Variants in REEP5 observed in about 807,000 individuals in gnomAD.
REEP5 encodes receptor accessory protein 5, also known as receptor expression-enhancing protein 5.
REEP5 carries 24 observed loss-of-function variants against 22.4 expected under a neutral mutation model. The ratio of observed to expected loss-of-function variants is 1.07; its 90% CI spans 0.78 to 1.51. REEP5 has a LOEUF of 1.51. Ranked by LOEUF, REEP5 falls within the 40% of genes most tolerant of loss-of-function variation. The pLI, the probability that REEP5 is intolerant of heterozygous loss-of-function variation, is 0.00. For synonymous variants in REEP5, 103 were observed against 88.6 expected (o/e 1.16, Z -0.92); for missense variants, 252 against 233.0 (o/e 1.08, Z -0.53).
At chr5:112,916,546 A>G (rs1381460077) in intron 2 of REEP5, among the ~76,000 whole-genome samples, 2 of 152,256 alleles carry the variant, frequency 1.3e-5, no homozygotes, top group Non-Finnish European at 2.9e-5. Context: ...GTGTGCAGAT[A>G]TATGATTTGG....
At chr5:112,909,243 T>C (rs1182706816) in intron 2 of REEP5, among the ~76,000 whole-genome samples, 1 of 147,886 alleles carries the variant, frequency 6.8e-6, no homozygotes, top group Non-Finnish European at 1.5e-5. Flanking sequence ...CTATCTAGTA[T>C]GGATAAGCCT....
At chr5:112,918,084 G>T (rs1169752451) in intron 2 of REEP5, among the ~76,000 whole-genome samples, 2 of 152,132 alleles carry the variant, frequency 1.3e-5, no homozygotes, top group Non-Finnish European at 2.9e-5. Context: ...AGGGAAGTAA[G>T]GAGATTAAGG....
intron 1 of REEP5, 159 bp from the exon 2 acceptor site, chr5:112,921,415 C>A (rs904452348): frequency 3.2e-5 from 22 of 698,390 alleles, no homozygotes; most frequent in East Asian, 8.1e-5. Context: ...TGGGCCTGCG[C>A]GTCCGCTGGG....
chr5:112,887,156 G>T lies in REEP5; in HGVS notation c.379C>A (p.Pro127Thr). 3 of 1,607,984 alleles carry T rather than the reference G, an allele frequency of 1.9e-6. No homozygotes were observed. Among genetic ancestry groups the T allele is most frequent in the Non-Finnish European group, 2.6e-6 (3 of 1,176,406 alleles). Residue 127 changes from proline to threonine, a missense_variant, in exon 4 of 5, where the codon CCG becomes ACG. Physicochemically the swap from Pro to Thr is conservative, Grantham distance 38. Coordinates refer to ENST00000379638, the MANE Select transcript of REEP5 (RefSeq NM_005669.5). ...KCGFLLWCMA[P>T]SPSNGAELLY... ...AGTTCAGCCCCATTAGAAGGGCTCG[G>T]GGCCATGCACCACAACAGGAAGCCA...
intron 2 of REEP5, among the ~76,000 whole-genome samples, chr5:112,919,007 G>A (rs1769290032): frequency 6.6e-6 from 1 of 152,156 alleles, no homozygotes; most frequent in Admixed American, 6.5e-5. Context: ...CTTATTTCTT[G>A]CCATATCTAA....
Position 112,882,624 on chromosome 5 carries a change from A to G in REEP5, c.521-3789T>C, listed in dbSNP as rs535515623. ...TGCCTGACAGTCCATTTACTCTCCA[A>G]CTGTCCTAGAGGGGCCAGCACACTG... On this transcript the variant is annotated intron_variant, in intron 4 of 4. Coordinates refer to ENST00000379638, the MANE Select transcript of REEP5 (RefSeq NM_005669.5). Among the ~76,000 whole-genome samples the G allele has an allele frequency of 6.6e-5, 10 of 152,226 alleles. No individual in the cohort carries two copies. The South Asian group carries it at 1.0e-3, about 16-fold the overall frequency.
chr5:112,904,470 T>TA (rs767890155), intron 2 of REEP5, among the ~76,000 whole-genome samples: 1 of 152,230 alleles, frequency 6.6e-6, no homozygotes, highest in Non-Finnish European at 1.5e-5. Flanking sequence ...CTCAAGGTCT[T>TA]AGTTTTGTGA....
chr5:112,888,807 G>A (rs1480351529), intron 3 of REEP5, among the ~76,000 whole-genome samples: 1 of 150,756 alleles, frequency 6.6e-6, no homozygotes, highest in African/African-American at 2.5e-5. Flanking sequence ...GATTGCTTGG[G>A]CCCAGGAGTT....
intron 4 of REEP5, among the ~76,000 whole-genome samples, chr5:112,882,696 A>G (rs911070726): frequency 2.6e-5 from 4 of 152,222 alleles, no homozygotes; most frequent in Non-Finnish European, 4.4e-5. Context: ...TCACACTACA[A>G]TGGCAGAGAA....
intron 2 of REEP5, among the ~76,000 whole-genome samples, chr5:112,902,961 A>G (rs1264008901): frequency 6.6e-6 from 1 of 152,238 alleles, no homozygotes. Flanking sequence ...CCCATAAAGC[A>G]ACATTTGGAA....
chr5:112,885,544 C>T (rs1489406645), intron 4 of REEP5: 4 of 240,110 alleles, frequency 1.7e-5, no homozygotes, highest in Non-Finnish European at 3.5e-5. Context: ...TGGAAGTAAA[C>T]ATCAACTACC....
intron 4 of REEP5, among the ~76,000 whole-genome samples, chr5:112,880,271 T>C (rs1215527904): frequency 2.6e-5 from 4 of 152,160 alleles, no homozygotes; most frequent in Non-Finnish European, 5.9e-5. Flanking sequence ...AAAAATATAT[T>C]TTCTTACTTC....
At chr5:112,885,973 G>A (rs892059266) in intron 4 of REEP5, among the ~76,000 whole-genome samples, 2 of 152,170 alleles carry the variant, frequency 1.3e-5, no homozygotes, top group African/African-American at 4.8e-5. Flanking sequence ...CCTGTCTACT[G>A]GATGTTTACA....
intron 2 of REEP5, among the ~76,000 whole-genome samples, chr5:112,920,298 GCCT>G (rs1384794332): frequency 6.6e-6 from 1 of 152,148 alleles, no homozygotes; most frequent in East Asian, 1.9e-4. Context: ...CTGTGTCTTA[GCCT>G]CCTAGGTGAA....
intron 3 of REEP5, among the ~76,000 whole-genome samples, chr5:112,887,640 A>T (rs1768300589): frequency 6.6e-6 from 1 of 152,204 alleles, no homozygotes; most frequent in South Asian, 2.1e-4. Context: ...TGGAAAAAAT[A>T]CCTTGTCCAT....
At chr5:112,897,464 T>G (rs1679899480) in intron 3 of REEP5, 1 of 151,944 alleles carries the variant, frequency 6.6e-6, no homozygotes, top group Non-Finnish European at 1.5e-5. Flanking sequence ...TAGAACAGAA[T>G]CTGGCACATG....
intron 3 of REEP5, chr5:112,891,545 A>G (rs1561650182): frequency 1.3e-5 from 20 of 1,502,844 alleles, no homozygotes; most frequent in East Asian, 2.5e-5. Flanking sequence ...TAAAATATTC[A>G]TAAGTAGAAT....
intron 2 of REEP5, among the ~76,000 whole-genome samples, chr5:112,913,455 T>G (rs1042148584): frequency 1.4e-5 from 2 of 144,106 alleles, no homozygotes; most frequent in Admixed American, 7.3e-5. Flanking sequence ...TGAGAATAGC[T>G]AGAGCCTGGG....
chr5:112,894,277 G>C (rs1446004788), intron 3 of REEP5: 1 of 152,080 alleles, frequency 6.6e-6, no homozygotes, highest in Non-Finnish European at 1.5e-5. Flanking sequence ...ATGCCACCGT[G>C]CCCAGCTAAT....
Sources: allele counts gnomAD v4.1 joint callset (sites outside exome capture counted in the v4.1 genomes callset), GRCh38; gene constraint gnomAD v4.1.1; transcripts MANE v1.5; gene names NCBI Gene and HGNC (gene_info 2026-07-23, HGNC 2026-07-21).